The following GPC6 variants were observed in gnomAD, a reference collection of about 807,000 sequenced individuals.
GPC6 encodes the protein glypican-6.
In GPC6, 14 loss-of-function variants were observed where a neutral mutation model predicts 55.2. That is an observed-to-expected ratio of 0.25 (90% CI 0.17 to 0.40). GPC6 has a LOEUF of 0.40. Ranked by LOEUF, GPC6 falls within the 10% of genes least tolerant of loss-of-function variation. GPC6 has a pLI of 1.00. For synonymous variants in GPC6, 278 were observed against 259.6 expected (o/e 1.07, Z -0.68); for missense variants, 641 against 708.5 (o/e 0.90, Z 1.08).
At chr13:93,640,983 T>C (rs1879910206) in intron 2 of GPC6, among the ~76,000 whole-genome samples, 1 of 151,940 alleles carries the variant, frequency 6.6e-6, no homozygotes, top group South Asian at 2.1e-4. Flanking sequence ...GTGTGTTCAT[T>C]GGAAAGCATT....
At chr13:93,760,981 C>T (rs753071359) in intron 2 of GPC6, among the ~76,000 whole-genome samples, 5 of 152,096 alleles carry the variant, frequency 3.3e-5, no homozygotes, top group Non-Finnish European at 7.3e-5. Flanking sequence ...TCTTTCATGT[C>T]CACAGTGATT....
intron 4 of GPC6, among the ~76,000 whole-genome samples, chr13:94,261,514 A>G (rs904398617): frequency 6.6e-6 from 1 of 152,238 alleles, no homozygotes; most frequent in African/African-American, 2.4e-5. Context: ...GGTCAGTAGA[A>G]ATAGAAATTT....
intron 1 of GPC6, among the ~76,000 whole-genome samples, chr13:93,412,313 A>G (rs1194315681): frequency 1.3e-5 from 2 of 152,190 alleles, no homozygotes; most frequent in Non-Finnish European, 2.9e-5. Flanking sequence ...AAATTCCAGT[A>G]TGGTTTACTA....
At chr13:93,286,732 C>T (rs1055785747) in intron 1 of GPC6, among the ~76,000 whole-genome samples, 2 of 152,192 alleles carry the variant, frequency 1.3e-5, no homozygotes, top group Non-Finnish European at 2.9e-5. Flanking sequence ...AAGAAGACAG[C>T]TTTACTTACC....
intron 4 of GPC6, among the ~76,000 whole-genome samples, chr13:94,101,363 G>C (rs1885852369): frequency 6.6e-6 from 1 of 152,154 alleles, no homozygotes; most frequent in South Asian, 2.1e-4. Context: ...GAAAAATGAA[G>C]CCTCTCTGAA....
chr13:93,246,989 TTC>T (rs1022684852), intron 1 of GPC6, among the ~76,000 whole-genome samples: 1 of 151,240 alleles, frequency 6.6e-6, no homozygotes, highest in African/African-American at 2.4e-5. Flanking sequence ...TGGTAATTTG[TTC>T]TCTTTTTTCT....
intron 1 of GPC6, among the ~76,000 whole-genome samples, chr13:93,319,289 A>G (rs1047866176): frequency 5.9e-5 from 9 of 152,260 alleles, no homozygotes; most frequent in Admixed American, 5.2e-4. Context: ...GTAAATATGT[A>G]TAAGAATCAC....
intron 4 of GPC6, among the ~76,000 whole-genome samples, chr13:94,178,281 G>A (rs764153835): frequency 2.0e-5 from 3 of 152,086 alleles, no homozygotes; most frequent in Non-Finnish European, 4.4e-5. Flanking sequence ...ACAGGCATGA[G>A]CCATCGCACC....
chr13:93,698,080 T>C (rs116290283), intron 2 of GPC6, among the ~76,000 whole-genome samples: 155 of 152,298 alleles, frequency 1.0e-3, no homozygotes, highest in African/African-American at 3.5e-3. Context: ...GTTGTCATCA[T>C]TGAGTCCTTT....
chr13:93,454,992 G>T (rs1288836694), intron 1 of GPC6, among the ~76,000 whole-genome samples: 1 of 152,224 alleles, frequency 6.6e-6, no homozygotes, highest in African/African-American at 2.4e-5. Context: ...TGGCACTGCT[G>T]GGGGACCCAG....
intron 1 of GPC6, among the ~76,000 whole-genome samples, chr13:93,523,271 ATATT>A (rs1395703199): frequency 1.3e-5 from 2 of 150,424 alleles, no homozygotes; most frequent in African/African-American, 2.4e-5. Context: ...AATATTGTGT[ATATT>A]TATATATGTG....
chr13:93,997,263 T>C (rs1881597182), intron 3 of GPC6, among the ~76,000 whole-genome samples: 1 of 152,186 alleles, frequency 6.6e-6, no homozygotes, highest in African/African-American at 2.4e-5. Flanking sequence ...TCTGTGCCTT[T>C]CACGTACAAA....
At chr13:94,353,792 A>G (rs916326477) in intron 6 of GPC6, among the ~76,000 whole-genome samples, 7 of 152,194 alleles carry the variant, frequency 4.6e-5, no homozygotes, top group African/African-American at 1.7e-4. Flanking sequence ...TTACGGAACT[A>G]AAGCTTTAAC....
At chr13:93,690,015 A>G (rs1384100395) in intron 2 of GPC6, among the ~76,000 whole-genome samples, 1 of 152,088 alleles carries the variant, frequency 6.6e-6, no homozygotes, top group Non-Finnish European at 1.5e-5. Flanking sequence ...AGGATGGGAA[A>G]ATTTAGCATT....
chr13:93,341,383 C>T (rs927647236), intron 1 of GPC6, among the ~76,000 whole-genome samples: 6 of 152,154 alleles, frequency 3.9e-5, no homozygotes, highest in Non-Finnish European at 7.4e-5. Flanking sequence ...TAAGTGTTCC[C>T]TTTCACCACA....
intron 2 of GPC6, among the ~76,000 whole-genome samples, chr13:93,687,158 A>C (rs1431660904): frequency 6.6e-6 from 1 of 152,108 alleles, no homozygotes; most frequent in Non-Finnish European, 1.5e-5. Context: ...TTAATTTAAT[A>C]AATAAATGCT....
intron 2 of GPC6, among the ~76,000 whole-genome samples, chr13:93,561,370 A>G (rs1464320817): frequency 7.5e-6 from 1 of 133,252 alleles, no homozygotes; most frequent in East Asian, 2.0e-4. Context: ...ATTGATACAC[A>G]TTTATATCAA....
chr13:94,132,382 A>G (rs1252146369), intron 4 of GPC6, among the ~76,000 whole-genome samples: 2 of 152,116 alleles, frequency 1.3e-5, no homozygotes, highest in African/African-American at 2.4e-5. Flanking sequence ...TTGCCTCTCC[A>G]TTTTGAATGT....
intron 1 of GPC6, among the ~76,000 whole-genome samples, chr13:93,452,925 C>A (rs944047077): frequency 1.2e-4 from 18 of 152,186 alleles, no homozygotes; most frequent in African/African-American, 3.9e-4. Context: ...GTTCATTTCC[C>A]CAATTCCTGT....
Sources: gnomAD v4.1 joint callset for allele counts (sites outside exome capture counted in the v4.1 genomes callset) on GRCh38, gnomAD v4.1.1 for gene constraint, MANE v1.5 for transcripts, NCBI Gene and HGNC (gene_info 2026-07-23, HGNC 2026-07-21) for gene names.